RAB21: variants seen among roughly 807,000 people sequenced by gnomAD.
RAB21 encodes the protein RAB21, member RAS oncogene family, also known as ras-related protein Rab-21.
Under a neutral mutation model 33.1 loss-of-function variants are expected in RAB21, and 13 were observed. The observed-to-expected ratio is 0.39, with a 90% CI of 0.26 to 0.62. RAB21 has a LOEUF of 0.62. Among genes scored for constraint, RAB21 ranks in the 20% least tolerant of loss-of-function variants. RAB21 has a pLI of 0.48. For missense variants in RAB21, 234 were observed against 279.1 expected, an observed-to-expected ratio of 0.84 and a Z score of 1.15; for synonymous variants, 91 against 103.7, an observed-to-expected ratio of 0.88 and a Z score of 0.74.
chr12:71,783,970 GT>G (rs1421957839), intron 6 of RAB21, among the ~76,000 whole-genome samples: 2 of 151,754 alleles, frequency 1.3e-5, no homozygotes, highest in African/African-American at 4.8e-5. Context: ...TGCTCCACAT[GT>G]TTATTTAGAA....
In RAB21 at chr12:71,789,950, G is replaced by A. The variant is rs573471991; in HGVS notation, c.*4277G>A. The A allele has an allele frequency of 6.6e-6, 1 of 152,200 alleles. No individual in the cohort carries two copies. The highest frequency in any genetic ancestry group is 1.9e-4 in the East Asian group (1 of 5,182). 9.4% of individuals were successfully genotyped at this position (152,200 alleles called of 1,614,324 possible). On this transcript the variant is annotated 3_prime_UTR_variant, in exon 7 of 7. Transcript: ENST00000261263. ...AAAAAATTTAGAAATACTCCTAAGA[G>A]TTTTCAATTTCAAGCAGAAATGCTT...
At position 71,789,624 on chromosome 12, in the gene RAB21, G is replaced by T. The variant is rs1883350305; in HGVS notation, c.*3951G>T. The T allele has an allele frequency of 6.6e-6, 1 of 152,054 alleles. No homozygotes were observed. The highest frequency in any genetic ancestry group is 2.4e-5 in the African/African-American group (1 of 41,430). 9.4% of individuals were successfully genotyped at this position (152,054 alleles called of 1,614,324 possible). On this transcript the variant is annotated 3_prime_UTR_variant, in exon 7 of 7. Transcript: ENST00000261263. The stretch of plus-strand genomic sequence containing the variant: ...CAGGAGCCTCACAATAATGTCTAAA[G>T]ATATAAACTGAGTAGATCCCTAAGT...
rs1883470759 is a variant in RAB21 at position 71,796,930 on chromosome 12, T to C, written c.*11257T>C. 1 of 152,224 alleles carries C rather than the reference T, an allele frequency of 6.6e-6. No homozygotes were observed. Among genetic ancestry groups the C allele is most frequent in the Non-Finnish European group, 1.5e-5 (1 of 68,022 alleles). The allele number at this position is 152,224 out of a possible 1,614,324, so 9.4% of individuals were successfully genotyped here. On this transcript the variant is annotated 3_prime_UTR_variant, in exon 7 of 7. Transcript: ENST00000261263. ...AAGCATTAGATGCGATAGAATGGAA[T>C]AATCTCTTTTTAGAAGTAAATTAGT...
chr12:71,773,399 C>A (rs1223666183), intron 3 of RAB21, among the ~76,000 whole-genome samples: 1 of 152,200 alleles, frequency 6.6e-6, no homozygotes, highest in Non-Finnish European at 1.5e-5. Flanking sequence ...TGCCTCACAA[C>A]AAAGAATTAT....
intron 6 of RAB21, among the ~76,000 whole-genome samples, chr12:71,783,941 C>G (rs1485761845): frequency 6.7e-6 from 1 of 149,770 alleles, no homozygotes; most frequent in Non-Finnish European, 1.5e-5. Context: ...AATATCACAT[C>G]TTCAAAACAA....
chr12:71,780,966 T>G (rs1297002597), intron 4 of RAB21, among the ~76,000 whole-genome samples: 1 of 152,190 alleles, frequency 6.6e-6, no homozygotes, highest in African/African-American at 2.4e-5. Context: ...TTTTATTACC[T>G]TTAGCACTCT....
At chr12:71,755,366 T>C (rs1882769283) in intron 1 of RAB21, 78 bp downstream of exon 1, 3 of 1,393,316 alleles carry the variant, frequency 2.2e-6, no homozygotes, top group South Asian at 3.0e-5. Flanking sequence ...GCCGCCCTGG[T>C]CCCCTGGATG....
chr12:71,780,405 C>T (rs1883180376), intron 4 of RAB21, among the ~76,000 whole-genome samples: 1 of 152,194 alleles, frequency 6.6e-6, no homozygotes, highest in African/African-American at 2.4e-5. Flanking sequence ...CACTGGCCAC[C>T]AGGTGGTGCT....
At chr12:71,778,253 G>A (rs1324752674) in intron 4 of RAB21, among the ~76,000 whole-genome samples, 1 of 152,104 alleles carries the variant, frequency 6.6e-6, no homozygotes, top group African/African-American at 2.4e-5. Flanking sequence ...CCATTGATAG[G>A]CACCCTTGGC....
chr12:71,785,559 G>A lies in RAB21; in HGVS notation c.564G>A (p.Glu188=). 6.2e-7 allele frequency: 1 copy of A among 1,614,154 alleles called. No homozygotes were observed. The highest frequency in any genetic ancestry group is 8.5e-7 in the Non-Finnish European group (1 of 1,180,000). The change falls in exon 7 of 7, where the codon GAG becomes GAA. Residue 188 remains glutamate (E), a synonymous_variant. Transcript: ENST00000261263. ...KRMIETAQVD[E]RAKGNGSSQP... ...TGATAGAAACAGCACAAGTGGATGA[G>A]AGAGCAAAAGGCAATGGCTCTAGTC...
chr12:71,785,879 G>GTT lies in RAB21; in HGVS notation c.*214_*215dup. The GTT allele has an allele frequency of 1.0e-5, 4 of 397,138 alleles. No individual in the cohort carries two copies. Among genetic ancestry groups the GTT allele is most frequent in the South Asian group, 5.0e-5 (1 of 19,976 alleles). 24.6% of individuals were successfully genotyped at this position (397,138 alleles called of 1,614,324 possible). ...CAGAGAATTGGCATTTTCTACAAAT[G>GTT]TTTTTTTTTGTTTTTTTTTTGTTTT... On this transcript the variant is annotated 3_prime_UTR_variant, in exon 7 of 7. Transcript: ENST00000261263.
At chr12:71,771,003 ATGGGGGCTTT>A (rs1883034561) in intron 3 of RAB21, among the ~76,000 whole-genome samples, 1 of 152,310 alleles carries the variant, frequency 6.6e-6, no homozygotes, top group Admixed American at 6.5e-5. Flanking sequence ...TCAGAAAAAT[ATGGGGGCTTT>A]TGTTTTTCCC....
rs566390061 is a variant in RAB21 at position 71,782,713 on chromosome 12, A to T, written c.535+55A>T. The stretch of plus-strand genomic sequence containing the variant: ...AAATGGTTTTTGGTTTTTATTTTTT[A>T]AAAAATAGTATGTATTTTACACCAG... On this transcript the variant is annotated intron_variant, in intron 6 of 6. Coordinates refer to ENST00000261263, the MANE Select transcript of RAB21 (RefSeq NM_014999.4). 140 of 1,231,186 alleles carry T rather than the reference A, an allele frequency of 1.1e-4. No individual in the cohort carries two copies. In the East Asian group the frequency reaches 1.9e-3, roughly 17 times the overall value. The allele number at this position is 1,231,186 out of a possible 1,614,324, so 76.3% of individuals were successfully genotyped here.
rs1883462496 is a variant in RAB21 at position 71,796,148 on chromosome 12, CACAG to C, written c.*10479_*10482del. On this transcript the variant is annotated 3_prime_UTR_variant, in exon 7 of 7. Coordinates refer to ENST00000261263, the MANE Select transcript of RAB21 (RefSeq NM_014999.4). ...CATAGAATAGCCTCTGTGGTATACACACAGACAATGTAAAATCCAAGAAATATAA... is the reference window on the plus strand; with the variant it reads ...CATAGAATAGCCTCTGTGGTATACACACAATGTAAAATCCAAGAAATATAA... 1 of 137,226 alleles carries C rather than the reference CACAG, an allele frequency of 7.3e-6. No homozygotes were observed. Among genetic ancestry groups the C allele is most frequent in the Non-Finnish European group, 1.5e-5 (1 of 65,930 alleles). The allele number at this position is 137,226 out of a possible 1,614,324, so 8.5% of individuals were successfully genotyped here.
rs1883314091 is a variant in RAB21 at position 71,787,587 on chromosome 12, A to G, written c.*1914A>G. 1 of 152,198 alleles carries G rather than the reference A, an allele frequency of 6.6e-6. No homozygotes were observed. Among genetic ancestry groups the G allele is most frequent in the African/African-American group, 2.4e-5 (1 of 41,440 alleles). 9.4% of individuals were successfully genotyped at this position (152,198 alleles called of 1,614,324 possible). On this transcript the variant is annotated 3_prime_UTR_variant, in exon 7 of 7. Coordinates refer to ENST00000261263, the MANE Select transcript of RAB21 (RefSeq NM_014999.4). ...TAACTTAAACCTTCTCAAATGGGTT[A>G]AAAGTTGAATGAATTGACACCCTGA...
At chr12:71,776,085 G>A (rs1043688876) in intron 4 of RAB21, among the ~76,000 whole-genome samples, 3 of 152,110 alleles carry the variant, frequency 2.0e-5, no homozygotes, top group East Asian at 3.9e-4. Context: ...AACTTTGTGT[G>A]GTATATGGAC....
chr12:71,767,378 C>G (rs1245213042), intron 1 of RAB21, among the ~76,000 whole-genome samples: 1 of 152,110 alleles, frequency 6.6e-6, no homozygotes, highest in East Asian at 1.9e-4. Flanking sequence ...CTCCACAACA[C>G]TCATGACCAA....
intron 6 of RAB21, among the ~76,000 whole-genome samples, chr12:71,783,540 A>G (rs185508910): frequency 9.9e-5 from 15 of 152,160 alleles, no homozygotes. Context: ...AATATTGATT[A>G]TGTAAGTGAT....
intron 4 of RAB21, chr12:71,774,291 C>CAAAAAAAAAA (rs143403147): frequency 1.8e-4 from 5 of 27,642 alleles, no homozygotes; most frequent in Non-Finnish European, 2.5e-4. Flanking sequence ...TCTAAAAATA[C>CAAAAAAAAAA]AAAAAAAAAA....
Sources: allele counts gnomAD v4.1 joint callset (sites outside exome capture counted in the v4.1 genomes callset), GRCh38; gene constraint gnomAD v4.1.1; transcripts MANE v1.5; gene names NCBI Gene and HGNC (gene_info 2026-07-23, HGNC 2026-07-21).